GLRA2: variants seen among roughly 807,000 people sequenced by gnomAD.
GLRA2 encodes glycine receptor subunit alpha-2.
Under a neutral mutation model 31.6 loss-of-function variants are expected in GLRA2, and 11 were observed. That is an observed-to-expected ratio of 0.35 (90% CI 0.22 to 0.58). The LOEUF is 0.58. Ranked by LOEUF, GLRA2 falls within the 20% of genes least tolerant of loss-of-function variation. The pLI is 0.84. For synonymous variants in GLRA2, 132 were observed against 134.0 expected (o/e 0.99, Z 0.10); for missense variants, 212 against 351.8 (o/e 0.60, Z 3.18).
the GLRA2 span, among the ~76,000 whole-genome samples, chrX:14,494,823 G>A: frequency 2.7e-5 from 3 of 111,857 alleles, no homozygotes; most frequent in Non-Finnish European, 5.6e-5. Flanking sequence ...AAAACTGGGT[G>A]GAATTTCCAG....
intron 7 of GLRA2, among the ~76,000 whole-genome samples, chrX:14,611,598 A>G (rs896946424): frequency 3.0e-4 from 34 of 112,755 alleles, no homozygotes; most frequent in African/African-American, 8.3e-4. Context: ...TCTAGATAAC[A>G]TATATATAGT....
intron 4 of GLRA2, among the ~76,000 whole-genome samples, chrX:14,600,072 C>T (rs1343006027): frequency 9.0e-6 from 1 of 111,301 alleles, no homozygotes; most frequent in African/African-American, 3.3e-5. Context: ...CCACTGAGTT[C>T]TCAGCTGAGA....
chrX:14,676,980 T>C (rs929171021), intron 7 of GLRA2, among the ~76,000 whole-genome samples: 1 of 111,854 alleles, frequency 8.9e-6, no homozygotes, highest in African/African-American at 3.2e-5. Context: ...ATCTCACTTA[T>C]CTGTTCAAAC....
At chrX:14,635,193 A>C (rs1375240375) in intron 7 of GLRA2, among the ~76,000 whole-genome samples, 1 of 111,986 alleles carries the variant, frequency 8.9e-6, no homozygotes. Flanking sequence ...AGTATTCTCA[A>C]ATCCTCCTGG....
the GLRA2 span, among the ~76,000 whole-genome samples, chrX:14,520,233 T>G: frequency 2.0e-4 from 22 of 111,887 alleles, no homozygotes; most frequent in African/African-American, 7.1e-4. Flanking sequence ...ATAACGAAGG[T>G]GATGTCAAGG....
chrX:14,634,685 C>G (rs2090689562), intron 7 of GLRA2, among the ~76,000 whole-genome samples: 1 of 111,653 alleles, frequency 9.0e-6, no homozygotes, highest in Admixed American at 9.6e-5. Context: ...ACTTCAAGCC[C>G]AAACCATTTG....
At chrX:14,720,491 C>T (rs942910103) in intron 8 of GLRA2, among the ~76,000 whole-genome samples, 1 of 111,234 alleles carries the variant, frequency 9.0e-6, no homozygotes, top group Non-Finnish European at 1.9e-5. Context: ...TGGAGACATA[C>T]AGAGGATAAC....
chrX:14,456,714 T>C, the GLRA2 span, among the ~76,000 whole-genome samples: 1 of 112,722 alleles, frequency 8.9e-6, no homozygotes. Flanking sequence ...CCAAATAATA[T>C]TCCATCATGT....
chrX:14,592,267 C>A (rs2090153090), intron 4 of GLRA2, among the ~76,000 whole-genome samples: 1 of 111,661 alleles, frequency 9.0e-6, no homozygotes, highest in Non-Finnish European at 1.9e-5. Context: ...CTACTTGGAT[C>A]TTTGAACCCT....
intron 3 of GLRA2, among the ~76,000 whole-genome samples, chrX:14,574,762 C>T (rs1395110132): frequency 9.0e-6 from 1 of 111,681 alleles, no homozygotes; most frequent in Non-Finnish European, 1.9e-5. Context: ...TTATATCTAT[C>T]GTGCCAGAGA....
intron 8 of GLRA2, among the ~76,000 whole-genome samples, chrX:14,704,884 C>T (rs759930751): frequency 4.5e-5 from 5 of 111,639 alleles, no homozygotes; most frequent in East Asian, 2.8e-4. Context: ...AAAAAAAGTA[C>T]AAAAATGTTC....
the GLRA2 span, among the ~76,000 whole-genome samples, chrX:14,454,428 T>TA: frequency 2.9e-4 from 32 of 111,235 alleles, no homozygotes; most frequent in Admixed American, 3.1e-3. Context: ...CTAAAAACTT[T>TA]AAAAAAATGA....
At chrX:14,531,247 T>C (rs2089251626) in intron 1 of GLRA2, 2 of 533,236 alleles carry the variant, frequency 3.8e-6, no homozygotes, top group Admixed American at 3.3e-5. Flanking sequence ...TTTGCACTTA[T>C]TTTGAATACC....
the GLRA2 span, among the ~76,000 whole-genome samples, chrX:14,477,556 T>A: frequency 8.1e-3 from 899 of 111,431 alleles, 4 homozygotes; most frequent in Non-Finnish European, 0.012. Context: ...GCTGCTATAG[T>A]TTAGTCTGGC....
intron 2 of GLRA2, among the ~76,000 whole-genome samples, chrX:14,562,520 T>G (rs1162562211): frequency 8.9e-6 from 1 of 112,133 alleles, no homozygotes; most frequent in African/African-American, 3.2e-5. Flanking sequence ...AGTTTATATT[T>G]GTTTTCTAGG....
chrX:14,717,535 T>C (rs1336921701), intron 8 of GLRA2, among the ~76,000 whole-genome samples: 1 of 99,028 alleles, frequency 1.0e-5, no homozygotes, highest in African/African-American at 4.4e-5. Context: ...TACCTGTGCA[T>C]AAGCCTGCTC....
chrX:14,529,858 C>T lies in GLRA2; in HGVS notation c.-200C>T, dbSNP rs2089231068. On this transcript the variant is annotated 5_prime_UTR_variant, in exon 1 of 9. Coordinates refer to ENST00000218075, the MANE Select transcript of GLRA2 (RefSeq NM_002063.4). ...TGGGTTAACTGATGGTCCCAAGCCT[C>T]GGTTTGACCTGACCATGATGCCCAG... The T allele has an allele frequency of 1.4e-5, 6 of 435,327 alleles. No homozygotes were observed. The highest frequency in any genetic ancestry group is 8.1e-4 in the Middle Eastern group (2 of 2,479). 35.9% of individuals were successfully genotyped at this position (435,327 alleles called of 1,213,427 possible).
At chrX:14,564,903 A>G (rs1400794296) in intron 2 of GLRA2, among the ~76,000 whole-genome samples, 1 of 111,532 alleles carries the variant, frequency 9.0e-6, no homozygotes, top group East Asian at 2.8e-4. Flanking sequence ...GTGAAAAGTT[A>G]ACACAAAAGG....
intron 2 of GLRA2, among the ~76,000 whole-genome samples, chrX:14,556,461 C>A: frequency 8.9e-6 from 1 of 111,946 alleles, no homozygotes; most frequent in East Asian, 2.8e-4. Flanking sequence ...TTATTATTCA[C>A]CCCAATCCCA....
Sources: gnomAD v4.1 joint callset for allele counts (sites outside exome capture counted in the v4.1 genomes callset) on GRCh38, gnomAD v4.1.1 for gene constraint, MANE v1.5 for transcripts, NCBI Gene and HGNC (gene_info 2026-07-23, HGNC 2026-07-21) for gene names.